The following PPP1R16B variants were observed in gnomAD, a reference collection of about 807,000 sequenced individuals.
PPP1R16B encodes protein phosphatase 1 regulatory subunit 16B, also known as protein phosphatase 1 regulatory inhibitor subunit 16B.
PPP1R16B carries 14 observed loss-of-function variants against 61.7 expected under a neutral mutation model. That is an observed-to-expected ratio of 0.23 (90% confidence interval 0.15 to 0.35). The LOEUF is 0.35. PPP1R16B is among the 10% of genes least tolerant of loss of function. The pLI is 1.00. For missense variants in PPP1R16B, 547 were observed against 752.5 expected (o/e 0.73, Z 3.19); for synonymous variants, 266 against 305.3 (o/e 0.87, Z 1.34).
At chr20:38,820,412 G>A (rs1475598032) in intron 1 of PPP1R16B, among the ~76,000 whole-genome samples, 1 of 152,038 alleles carries the variant, frequency 6.6e-6, no homozygotes, top group African/African-American at 2.4e-5. Context: ...TACAAAATTA[G>A]CCGGGTGTGG....
chr20:38,901,203 G>A (rs557528386), intron 5 of PPP1R16B, among the ~76,000 whole-genome samples: 9 of 152,234 alleles, frequency 5.9e-5, no homozygotes, highest in South Asian at 2.1e-4. Flanking sequence ...CCTCTGAAGC[G>A]CCACCTCCTT....
chr20:38,818,928 G>A (rs2084756498), intron 1 of PPP1R16B, among the ~76,000 whole-genome samples: 1 of 151,956 alleles, frequency 6.6e-6, no homozygotes, highest in South Asian at 2.1e-4. Flanking sequence ...GCAGGTGGGA[G>A]ACACCACACC....
intron 1 of PPP1R16B, among the ~76,000 whole-genome samples, chr20:38,821,187 A>G (rs966301533): frequency 7.2e-5 from 11 of 152,250 alleles, no homozygotes; most frequent in African/African-American, 2.4e-4. Context: ...AAAGCAGAGT[A>G]GAACTGGGGA....
At chr20:38,909,289 T>C (rs2085470462) in intron 10 of PPP1R16B, among the ~76,000 whole-genome samples, 1 of 152,258 alleles carries the variant, frequency 6.6e-6, no homozygotes, top group Admixed American at 6.5e-5. Context: ...TTCGAGCCAC[T>C]GTACCTAGCC....
At chr20:38,821,517 G>A (rs2145709620) in intron 1 of PPP1R16B, among the ~76,000 whole-genome samples, 1 of 152,354 alleles carries the variant, frequency 6.6e-6, no homozygotes, top group South Asian at 2.1e-4. Flanking sequence ...TGTCAGAGAA[G>A]AAGAGCTGGT....
chr20:38,878,215 T>C (rs779169164), intron 2 of PPP1R16B, among the ~76,000 whole-genome samples: 3 of 152,192 alleles, frequency 2.0e-5, no homozygotes, highest in Non-Finnish European at 2.9e-5. Context: ...TTTAAAATTT[T>C]CAGAAATCTT....
chr20:38,909,633 G>T (rs2085473258), intron 10 of PPP1R16B, among the ~76,000 whole-genome samples: 1 of 152,218 alleles, frequency 6.6e-6, no homozygotes, highest in South Asian at 2.1e-4. Context: ...CATGCCTAGA[G>T]AGTTTAGCCT....
At chr20:38,902,377 T>C (rs1489565578) in intron 5 of PPP1R16B, among the ~76,000 whole-genome samples, 3 of 151,932 alleles carry the variant, frequency 2.0e-5, no homozygotes, top group Non-Finnish European at 2.9e-5. Flanking sequence ...ATCTGAGCAG[T>C]TGGAGGTGTG....
In PPP1R16B at chr20:38,872,386, C is replaced by T. The variant is rs148790238; in HGVS notation, c.251-17209C>T. 2.9e-3 allele frequency among the ~76,000 whole-genome samples: 448 copies of T among 152,134 alleles called. 1 individual carries two copies. Among genetic ancestry groups the T allele is most frequent in the African/African-American group, 0.01 (427 of 41,490 alleles). On this transcript the variant is annotated intron_variant, in intron 2 of 10. Coordinates refer to ENST00000299824, the MANE Select transcript of PPP1R16B (RefSeq NM_015568.4). ...CACCTGGTGCAGAGTTGGTGCCTGG[C>T]GAACATTTGCGGAGCGGGAAAGGAG...
rs756934542 is a variant in PPP1R16B, at chr20:38,902,812, C to T, written c.696+20C>T. ...ACACTGGTGAGGAGATGGGCCAGTACCAAAACCAAGACCAGCTAGGTCCGA... is the reference window on the plus strand; with the variant it reads ...ACACTGGTGAGGAGATGGGCCAGTATCAAAACCAAGACCAGCTAGGTCCGA... On this transcript the variant is annotated intron_variant, in intron 6 of 10. Transcript: ENST00000299824. 8 of 1,613,838 alleles carry T rather than the reference C, an allele frequency of 5.0e-6. No individual in the cohort carries two copies. The East Asian group carries it at 1.6e-4, about 31-fold the overall frequency.
At position 38,895,766 on chromosome 20, in the gene PPP1R16B, A is replaced by ACTTCCTTCTTTCTCTCCTCCCTCCCTC. The variant is rs1288719225; in HGVS notation, c.467+79_467+105dup. The ACTTCCTTCTTTCTCTCCTCCCTCCCTC allele has an allele frequency of 4.0e-4, 503 of 1,262,386 alleles. 20 individuals carry two copies. Among genetic ancestry groups the ACTTCCTTCTTTCTCTCCTCCCTCCCTC allele is most frequent in the Middle Eastern group, 1.6e-3 (7 of 4,408 alleles). The allele number at this position is 1,262,386 out of a possible 1,614,324, so 78.2% of individuals were successfully genotyped here. On this transcript the variant is annotated intron_variant, in intron 4 of 10. Transcript: ENST00000299824. ...TCCCTCCACCTCTTGTCTTTTTCCA[A>ACTTCCTTCTTTCTCTCCTCCCTCCCTC]CTTCCTTCTTTCTCTCCTCCCTCCC...
In PPP1R16B at chr20:38,907,074, TG is replaced by T; in HGVS notation, c.898+22del. 1 of 1,590,534 alleles carries T rather than the reference TG, an allele frequency of 6.3e-7. No homozygotes were observed. The highest frequency in any genetic ancestry group is 8.6e-7 in the Non-Finnish European group (1 of 1,158,500). ...CAATAGGTAAGTCCAGCACAATAGC[TG>T]GTGTGCACAAATAGGCAGTTATCAA... On this transcript the variant is annotated intron_variant, in intron 8 of 10. Transcript: ENST00000299824. The surrounding 1 kb of genome is among the most constrained non-coding windows in gnomAD (Gnocchi z 4.5).
At chr20:38,823,832 A>G (rs778485374) in intron 1 of PPP1R16B, among the ~76,000 whole-genome samples, 37 of 152,154 alleles carry the variant, frequency 2.4e-4, no homozygotes, top group Non-Finnish European at 4.7e-4. Flanking sequence ...CTTTAATCAG[A>G]TATCCTTACT....
intron 10 of PPP1R16B, among the ~76,000 whole-genome samples, chr20:38,913,358 G>A (rs2145785378): frequency 6.6e-6 from 1 of 151,200 alleles, no homozygotes; most frequent in Admixed American, 6.6e-5. Context: ...CGCCTCCCAG[G>A]TTCAAGTGAT....
Position 38,918,438 on chromosome 20 carries a change from G to T in PPP1R16B, c.1476G>T (p.Leu492=). The change falls in exon 11 of 11, where the codon CTG becomes CTT. Residue 492 remains leucine, a synonymous_variant. Coordinates refer to ENST00000299824, the MANE Select transcript of PPP1R16B (RefSeq NM_015568.4). The surrounding 1 kb of genome is among the most constrained non-coding windows in gnomAD (Gnocchi z 5.3). ...ELKRQRAAAK[L]LSHPFLSTHL... is the part of the protein sequence containing the mutation. ...AGCGGCAGCGGGCTGCAGCCAAGCT[G>T]CTCAGCCACCCCTTCCTTAGCACAC... The T allele has an allele frequency of 1.2e-6, 2 of 1,614,180 alleles. No homozygotes were observed. Among genetic ancestry groups the T allele is most frequent in the Non-Finnish European group, 1.7e-6 (2 of 1,180,048 alleles).
rs144697879 is a variant in PPP1R16B at position 38,877,139 on chromosome 20, G to A, written c.251-12456G>A. ...TAATTTACCAAATCAACCTCCAATT[G>A]TTTAGGCATTTGGGTTGCTTCCAGG... On this transcript the variant is annotated intron_variant, in intron 2 of 10. Transcript: ENST00000299824. Among the ~76,000 whole-genome samples, 1,421 of 152,192 alleles carry A rather than the reference G, an allele frequency of 9.3e-3. 6 individuals carry two copies. The highest frequency in any genetic ancestry group is 0.014 in the Non-Finnish European group (986 of 68,016).
rs765711877 is a variant in PPP1R16B, at chr20:38,918,743, G to A, written c.*77G>A. On this transcript the variant is annotated 3_prime_UTR_variant, in exon 11 of 11. Coordinates refer to ENST00000299824, the MANE Select transcript of PPP1R16B (RefSeq NM_015568.4). The surrounding 1 kb of genome is among the most constrained non-coding windows in gnomAD (Gnocchi z 5.3). ...GGCCAGCCCAACAGCCCTGGCTGGGGAGGTGTCAGGGCAGCTGGGGAGAGG... is the reference window on the plus strand; with the variant it reads ...GGCCAGCCCAACAGCCCTGGCTGGGAAGGTGTCAGGGCAGCTGGGGAGAGG... 1.1e-5 allele frequency: 16 copies of A among 1,427,582 alleles called. No individual in the cohort carries two copies. The highest frequency in any genetic ancestry group is 1.5e-5 in the Non-Finnish European group (16 of 1,084,020). The allele number at this position is 1,427,582 out of a possible 1,614,324, so 88.4% of individuals were successfully genotyped here. A position where few individuals can be genotyped will look rare whatever the true frequency, so the allele number is the denominator to read the frequency against.
At chr20:38,826,005 T>C (rs1197477416) in intron 1 of PPP1R16B, among the ~76,000 whole-genome samples, 1 of 152,188 alleles carries the variant, frequency 6.6e-6, no homozygotes, top group Non-Finnish European at 1.5e-5. Context: ...ACCTAAGTGG[T>C]GGCACAAGAG....
At chr20:38,859,678 G>A (rs1338034955) in intron 2 of PPP1R16B, among the ~76,000 whole-genome samples, 1 of 151,984 alleles carries the variant, frequency 6.6e-6, no homozygotes, top group African/African-American at 2.4e-5. Flanking sequence ...TTTTTGTAGA[G>A]ACAGGGTCTT....
Sources: gnomAD v4.1 joint callset for allele counts (sites outside exome capture counted in the v4.1 genomes callset) on GRCh38, gnomAD v4.1.1 for gene constraint, Gnocchi (gnomAD v3.1) non-coding constraint, MANE v1.5 for transcripts, NCBI Gene and HGNC (gene_info 2026-07-23, HGNC 2026-07-21) for gene names.